The following IQCK variants were observed in gnomAD, a reference collection of about 807,000 sequenced individuals.
The protein encoded by IQCK is IQ motif containing K.
IQCK carries 29 observed loss-of-function variants against 28.1 expected under a neutral mutation model. The observed-to-expected ratio is 1.03, with a 90% confidence interval of 0.77 to 1.41. The LOEUF is 1.41. IQCK is among the 40% of genes most tolerant of loss of function. The probability of loss-of-function intolerance (pLI) is 0.00; values close to 1 mark genes in which losing one functional copy is unlikely to be tolerated. For synonymous variants in IQCK, 113 were observed against 115.1 expected, an observed-to-expected ratio of 0.98 and a Z score of 0.12; for missense variants, 359 against 314.7, an observed-to-expected ratio of 1.14 and a Z score of -1.07.
intron 9 of IQCK, among the ~76,000 whole-genome samples, chr16:19,849,882 G>A (rs1336453641): frequency 1.3e-5 from 2 of 152,198 alleles, no homozygotes; most frequent in Non-Finnish European, 2.9e-5. Flanking sequence ...ACAGACAGAA[G>A]CCTCCATGCC....
intron 9 of IQCK, among the ~76,000 whole-genome samples, chr16:19,850,502 A>G (rs924648409): frequency 3.3e-5 from 5 of 152,168 alleles, no homozygotes; most frequent in African/African-American, 1.2e-4. Context: ...AAGGTTTCTC[A>G]TAGATATTGC....
intron 1 of IQCK, 39 bp from the exon 2 acceptor site, chr16:19,730,391 G>GTA (rs755654414): frequency 4.8e-6 from 7 of 1,449,666 alleles, no homozygotes; most frequent in Non-Finnish European, 6.6e-6. Flanking sequence ...AAACTCTAGT[G>GTA]AAGTATGGAA....
downstream of IQCK, among the ~76,000 whole-genome samples, chr16:19,830,282 A>G (rs140119942): frequency 2.6e-5 from 4 of 152,234 alleles, no homozygotes; most frequent in South Asian, 2.1e-4. Context: ...CAGCATGCCT[A>G]TTTCTTTCTG....
chr16:19,806,792 G>A (rs1417591840), intron 7 of IQCK, among the ~76,000 whole-genome samples: 1 of 150,128 alleles, frequency 6.7e-6, no homozygotes, highest in Admixed American at 6.8e-5. Flanking sequence ...GACAGATCTT[G>A]TAGAATCAAA....
chr16:19,752,974 T>G (rs2055006667), intron 4 of IQCK, among the ~76,000 whole-genome samples: 1 of 152,122 alleles, frequency 6.6e-6, no homozygotes, highest in Non-Finnish European at 1.5e-5. Flanking sequence ...TCTTGACTGC[T>G]TCGTCTGGGT....
At chr16:19,731,601 T>A (rs376698473) in intron 2 of IQCK, among the ~76,000 whole-genome samples, 1 of 152,224 alleles carries the variant, frequency 6.6e-6, no homozygotes, top group African/African-American at 2.4e-5. Flanking sequence ...GATCTTCGTC[T>A]CTTGTGCTAT....
At chr16:19,824,294 AC>A (rs1315567400) in intron 7 of IQCK, among the ~76,000 whole-genome samples, 1 of 152,186 alleles carries the variant, frequency 6.6e-6, no homozygotes, top group African/African-American at 2.4e-5. Flanking sequence ...TAGATCCCTC[AC>A]ATGTGCAGTT....
chr16:19,819,996 T>G (rs978725784), intron 7 of IQCK, among the ~76,000 whole-genome samples: 1 of 152,108 alleles, frequency 6.6e-6, no homozygotes, highest in Non-Finnish European at 1.5e-5. Flanking sequence ...GGACAAAGAA[T>G]AGCCTCTTCA....
At chr16:19,851,987 G>A (rs769857831) in intron 9 of IQCK, among the ~76,000 whole-genome samples, 2 of 152,150 alleles carry the variant, frequency 1.3e-5, no homozygotes, top group Non-Finnish European at 2.9e-5. Flanking sequence ...TAGCAAAGTA[G>A]TGCATCCCCA....
intron 7 of IQCK, among the ~76,000 whole-genome samples, chr16:19,814,016 G>A (rs747798530): frequency 6.6e-6 from 1 of 151,894 alleles, no homozygotes; most frequent in African/African-American, 2.4e-5. Context: ...TCAGGAGTTC[G>A]AGACTAGCCT....
intron 4 of IQCK, chr16:19,761,265 A>C: frequency 2.5e-6 from 1 of 404,796 alleles, no homozygotes; most frequent in Non-Finnish European, 4.9e-6. Flanking sequence ...GTTATACTTC[A>C]CCATATGAAT....
chr16:19,766,890 TA>T (rs1244165441), intron 6 of IQCK, among the ~76,000 whole-genome samples: 7 of 152,132 alleles, frequency 4.6e-5, no homozygotes, highest in African/African-American at 1.7e-4. Context: ...GCCAATGCAG[TA>T]AAACCCCATC....
intron 4 of IQCK, among the ~76,000 whole-genome samples, chr16:19,741,517 A>G (rs2151690497): frequency 6.6e-6 from 1 of 152,356 alleles, no homozygotes; most frequent in Non-Finnish European, 1.5e-5. Flanking sequence ...TTAGAGATTA[A>G]TGAGGCATCC....
chr16:19,770,241 T>C (rs994091348), intron 6 of IQCK, among the ~76,000 whole-genome samples: 1 of 152,182 alleles, frequency 6.6e-6, no homozygotes, highest in African/African-American at 2.4e-5. Context: ...CTCTAAGTCA[T>C]GTGTAAGTGT....
intron 7 of IQCK, among the ~76,000 whole-genome samples, chr16:19,794,899 CATT>C (rs1454522239): frequency 1.8e-5 from 2 of 111,664 alleles, no homozygotes; most frequent in Middle Eastern, 3.6e-3. Flanking sequence ...ATCCTTAAAA[CATT>C]ATGCTAAGTA....
intron 9 of IQCK, among the ~76,000 whole-genome samples, chr16:19,852,708 C>T (rs1321687514): frequency 6.6e-6 from 1 of 151,106 alleles, no homozygotes; most frequent in Non-Finnish European, 1.5e-5. Flanking sequence ...CTGCAAGCTC[C>T]GCCTCCTGGG....
chr16:19,718,380 C>T, exon 1 of IQCK: 8 of 1,608,052 alleles, frequency 5.0e-6, no homozygotes, highest in Non-Finnish European at 6.8e-6. Context: ...TCGTCGTTCA[C>T]CCGGACGCCG....
chr16:19,774,165 A>G (rs954445728), intron 6 of IQCK, among the ~76,000 whole-genome samples: 58 of 152,206 alleles, frequency 3.8e-4, no homozygotes, highest in African/African-American at 1.3e-3. Flanking sequence ...GAAGCACTAG[A>G]ATCACACCTC....
At chr16:19,772,396 G>A (rs1038009963) in intron 6 of IQCK, among the ~76,000 whole-genome samples, 1 of 151,926 alleles carries the variant, frequency 6.6e-6, no homozygotes, top group Non-Finnish European at 1.5e-5. Context: ...CAAAAAAACG[G>A]TATAAAAAAT....
Sources: gnomAD v4.1 joint callset for allele counts (sites outside exome capture counted in the v4.1 genomes callset) on GRCh38, gnomAD v4.1.1 for gene constraint, MANE v1.5 for transcripts, NCBI Gene and HGNC (gene_info 2026-07-23, HGNC 2026-07-21) for gene names.